The following OPCML variants were observed in gnomAD, a reference collection of about 807,000 sequenced individuals.
OPCML encodes the protein opioid binding protein/cell adhesion molecule like.
A neutral mutation model predicts 37.8 loss-of-function variants in OPCML; 13 were observed. The observed-to-expected ratio is 0.34, with a 90% CI of 0.22 to 0.55. The LOEUF (loss-of-function observed/expected upper bound fraction) is 0.55. OPCML is among the 20% of genes least tolerant of loss of function. The pLI is 0.91. For synonymous variants in OPCML, 176 were observed against 168.8 expected (o/e 1.04, Z -0.33); for missense variants, 341 against 435.6 (o/e 0.78, Z 1.93).
intron 1 of OPCML, among the ~76,000 whole-genome samples, chr11:133,293,460 G>A (rs1478901915): frequency 6.6e-6 from 1 of 152,198 alleles, no homozygotes; most frequent in Non-Finnish European, 1.5e-5. Flanking sequence ...ATGCCTGATA[G>A]GTAATTCTTA....
At chr11:133,359,676 A>G (rs547959801) in intron 1 of OPCML, among the ~76,000 whole-genome samples, 81 of 152,310 alleles carry the variant, frequency 5.3e-4, no homozygotes, top group Middle Eastern at 6.8e-3. Context: ...CTTGTCCCTC[A>G]GCTGCCCATG....
chr11:133,009,701 A>C (rs1395500), intron 1 of OPCML, among the ~76,000 whole-genome samples: 126,771 of 152,152 alleles, frequency 0.83, 53,250 homozygotes, highest in African/African-American at 0.94. Context: ...AGGAGCACAG[A>C]CTAGGTCCCT....
At chr11:132,750,925 T>A (rs2136068208) in intron 2 of OPCML, among the ~76,000 whole-genome samples, 1 of 152,234 alleles carries the variant, frequency 6.6e-6, no homozygotes, top group African/African-American at 2.4e-5. Flanking sequence ...CGGTATATTT[T>A]CTATGTTTCT....
intron 1 of OPCML, among the ~76,000 whole-genome samples, chr11:133,159,522 A>T (rs977640022): frequency 2.2e-4 from 33 of 152,234 alleles, no homozygotes; most frequent in African/African-American, 8.0e-4. Context: ...GGATGCAGTG[A>T]ATAATAAAAT....
intron 1 of OPCML, chr11:133,297,085 G>T (rs1450510323): frequency 6.6e-6 from 1 of 152,198 alleles, no homozygotes; most frequent in African/African-American, 2.4e-5. Context: ...TGGGAAGGAT[G>T]AATAGGAACT....
intron 2 of OPCML, among the ~76,000 whole-genome samples, chr11:132,730,008 C>CTTTTTTTT (rs11389495): frequency 3.4e-5 from 3 of 88,472 alleles, no homozygotes; most frequent in Non-Finnish European, 6.2e-5. Flanking sequence ...TTCTATGTGA[C>CTTTTTTTT]TTTTTTTTTT....
At position 132,516,136 on chromosome 11, in the gene OPCML, A is replaced by G. The variant is rs372677285; in HGVS notation, c.505+12925T>C. Among the ~76,000 whole-genome samples the G allele has an allele frequency of 2.6e-5, 4 of 152,206 alleles. No individual in the cohort carries two copies. The East Asian group carries it at 5.8e-4, about 22-fold the overall frequency. ...ACAGATCACCGTGTCTAGAAGCCTA[A>G]ACTAGGATAGCCTCACTATTTGGTT... On this transcript the variant is annotated intron_variant, in intron 4 of 7. Coordinates refer to ENST00000524381, the MANE Select transcript of OPCML (RefSeq NM_001012393.5).
intron 3 of OPCML, among the ~76,000 whole-genome samples, chr11:132,595,343 G>A (rs1263643552): frequency 1.3e-5 from 2 of 152,084 alleles, no homozygotes; most frequent in Admixed American, 6.6e-5. Flanking sequence ...GAATGGAATG[G>A]GCCCAGCATC....
chr11:133,046,510 C>T (rs140490044), intron 1 of OPCML, among the ~76,000 whole-genome samples: 62 of 152,250 alleles, frequency 4.1e-4, no homozygotes, highest in Admixed American at 7.2e-4. Flanking sequence ...GACTTCAATG[C>T]CAGGAGCTTT....
chr11:133,356,415 T>G (rs537692581), intron 1 of OPCML, among the ~76,000 whole-genome samples: 1 of 152,324 alleles, frequency 6.6e-6, no homozygotes, highest in Non-Finnish European at 1.5e-5. Context: ...CTGGAGTTCC[T>G]TTTCACTATT....
rs546653738 is a variant in OPCML, at chr11:132,569,375, G to A, written c.380-40189C>T. ...CAACTCTGCTGACACTTTCATCTCA[G>A]ACTTGTAGCCTCTAGAACTGTGAGA... On this transcript the variant is annotated intron_variant, in intron 3 of 7. Transcript: ENST00000524381. Among the ~76,000 whole-genome samples, 85 of 152,192 alleles carry A rather than the reference G, an allele frequency of 5.6e-4. 1 individual carries two copies. The highest frequency in any genetic ancestry group is 1.1e-3 in the Non-Finnish European group (74 of 68,040).
chr11:132,583,884 G>T (rs1169934102), intron 3 of OPCML, among the ~76,000 whole-genome samples: 1 of 152,114 alleles, frequency 6.6e-6, no homozygotes, highest in Non-Finnish European at 1.5e-5. Flanking sequence ...AAAGTGCTGG[G>T]ATTACAGGCA....
chr11:133,335,308 G>A (rs533418032), intron 1 of OPCML, among the ~76,000 whole-genome samples: 85 of 152,268 alleles, frequency 5.6e-4, no homozygotes, highest in African/African-American at 1.9e-3. Flanking sequence ...AATGGTCCAG[G>A]TGACTAGATT....
chr11:132,437,102 A>T (rs2136744832), intron 5 of OPCML, 120 bp downstream of exon 5: 1 of 1,459,906 alleles, frequency 6.8e-7, no homozygotes, highest in South Asian at 1.4e-5. Context: ...CATCTGATGA[A>T]GTATTTTCCT....
chr11:132,562,415 G>T (rs2096412665), intron 3 of OPCML, among the ~76,000 whole-genome samples: 1 of 152,044 alleles, frequency 6.6e-6, no homozygotes. Context: ...AAGTAGAGTG[G>T]CTCTTGACAT....
At chr11:132,515,695 G>A (rs2096278086) in intron 4 of OPCML, among the ~76,000 whole-genome samples, 1 of 152,112 alleles carries the variant, frequency 6.6e-6, no homozygotes, top group Non-Finnish European at 1.5e-5. Context: ...TCCTTCTTCT[G>A]AATCTCATAC....
chr11:132,890,596 C>T (rs1368694798), intron 2 of OPCML, among the ~76,000 whole-genome samples: 1 of 150,706 alleles, frequency 6.6e-6, no homozygotes, highest in Non-Finnish European at 1.5e-5. Flanking sequence ...CCTGTAATCC[C>T]AGCACTTTGG....
chr11:132,496,482 G>A (rs911644793), intron 4 of OPCML, among the ~76,000 whole-genome samples: 1 of 152,192 alleles, frequency 6.6e-6, no homozygotes, highest in African/African-American at 2.4e-5. Flanking sequence ...CTAGAACACT[G>A]CTCTTGTCCT....
chr11:132,757,047 G>A (rs1258669788), intron 2 of OPCML, among the ~76,000 whole-genome samples: 4 of 152,066 alleles, frequency 2.6e-5, no homozygotes, highest in East Asian at 1.9e-4. Flanking sequence ...GAGAACATGC[G>A]GTGTTTGGTT....
Sources: gnomAD v4.1 joint callset for allele counts (sites outside exome capture counted in the v4.1 genomes callset) on GRCh38, gnomAD v4.1.1 for gene constraint, MANE v1.5 for transcripts, NCBI Gene and HGNC (gene_info 2026-07-23, HGNC 2026-07-21) for gene names.